The following NTM variants were observed in gnomAD, a reference collection of about 807,000 sequenced individuals.
The protein encoded by NTM is IgLON family member 2.
Under a neutral mutation model 42.1 loss-of-function variants are expected in NTM, and 13 were observed. The ratio of observed to expected loss-of-function variants is 0.31; its 90% CI spans 0.20 to 0.49. The LOEUF is 0.49. Among genes scored for constraint, NTM ranks in the 20% least tolerant of loss-of-function variants. The pLI is 0.99. For synonymous variants in NTM, 187 were observed against 179.2 expected, an observed-to-expected ratio of 1.04 and a Z score of -0.35; for missense variants, 373 against 452.8, an observed-to-expected ratio of 0.82 and a Z score of 1.60.
At position 132,336,634 on chromosome 11, in the gene NTM, G is replaced by A. The variant is rs2095874304; in HGVS notation, c.*1488G>A. ...TTTTATTTCCCACCTTTGTGTGAGT[G>A]TGTATGAAAGAGAAGAAAATGCAAT... On this transcript the variant is annotated 3_prime_UTR_variant, in exon 9 of 9. Transcript: ENST00000683400. 6.6e-6 allele frequency: 1 copy of A among 152,264 alleles called. No homozygotes were observed. Among genetic ancestry groups the A allele is most frequent in the African/African-American group, 2.4e-5 (1 of 41,312 alleles). 9.4% of individuals were successfully genotyped at this position (152,264 alleles called of 1,614,324 possible).
At chr11:132,310,085 C>A in intron 5 of NTM, 27 bp from the exon 6 acceptor site, 3 of 1,527,628 alleles carry the variant, frequency 2.0e-6, no homozygotes, top group Non-Finnish European at 2.6e-6. Context: ...GGTGGGGGGG[C>A]GGCTATGAGA....
At chr11:132,291,299 G>C (rs1372523684) in intron 4 of NTM, among the ~76,000 whole-genome samples, 1 of 152,128 alleles carries the variant, frequency 6.6e-6, no homozygotes, top group Non-Finnish European at 1.5e-5. Context: ...TGATGGATTT[G>C]ATATTGGATT....
intron 2 of NTM, among the ~76,000 whole-genome samples, chr11:132,097,260 C>A (rs2061119511): frequency 6.6e-6 from 1 of 152,178 alleles, no homozygotes; most frequent in African/African-American, 2.4e-5. Context: ...TGCTAATGGT[C>A]CTTCCTAAAG....
chr11:131,487,137 A>G lies in NTM; in HGVS notation c.82+116249A>G, dbSNP rs112217944. On this transcript the variant is annotated intron_variant, in intron 1 of 8. Transcript: ENST00000683400. ...TGTCAGACATCCTCTTCTGATGCCT[A>G]TGCTGCCATCCCTGGGCCCCTGGAA... 6.5e-3 allele frequency among the ~76,000 whole-genome samples: 990 copies of G among 152,174 alleles called. 8 individuals carry two copies. The highest frequency in any genetic ancestry group is 9.9e-3 in the Non-Finnish European group (672 of 67,988).
chr11:131,815,689 T>C (rs1223637409), intron 1 of NTM, among the ~76,000 whole-genome samples: 2 of 151,988 alleles, frequency 1.3e-5, no homozygotes, highest in Non-Finnish European at 2.9e-5. Flanking sequence ...AGCCTCTCCC[T>C]TCTCTCAACT....
At chr11:132,199,149 A>T (rs2080771992) in intron 3 of NTM, among the ~76,000 whole-genome samples, 1 of 152,220 alleles carries the variant, frequency 6.6e-6, no homozygotes, top group African/African-American at 2.4e-5. Flanking sequence ...AAATCATGTT[A>T]TGTGGACAGC....
At chr11:131,552,930 TTAGTACATTCAAAC>T (rs2054905245) in intron 1 of NTM, among the ~76,000 whole-genome samples, 1 of 151,882 alleles carries the variant, frequency 6.6e-6, no homozygotes, top group Admixed American at 6.6e-5. Context: ...GCATTGAAAA[TTAGTACATTCAAAC>T]TACGTATCAC....
chr11:131,663,373 T>G (rs2068438665), intron 1 of NTM: 1 of 152,240 alleles, frequency 6.6e-6, no homozygotes, highest in Non-Finnish European at 1.5e-5. Context: ...AATCCATCGA[T>G]CTGACCATCT....
rs549480555 is a variant in NTM, at chr11:131,635,829, C to T, written c.82+264941C>T. Among the ~76,000 whole-genome samples, 18 of 152,248 alleles carry T rather than the reference C, an allele frequency of 1.2e-4. No homozygotes were observed. The South Asian group carries it at 3.7e-3, about 32-fold the overall frequency. ...GCAAACTCCATTCATAGTAAGTGCCCTATACAGGGGCACTAGTTTTTCTTT... is the reference window on the plus strand; with the variant it reads ...GCAAACTCCATTCATAGTAAGTGCCTTATACAGGGGCACTAGTTTTTCTTT... On this transcript the variant is annotated intron_variant, in intron 1 of 8. Coordinates refer to ENST00000683400, the MANE Select transcript of NTM (RefSeq NM_001352005.2).
intron 1 of NTM, among the ~76,000 whole-genome samples, chr11:131,822,907 G>A (rs1448604221): frequency 3.9e-5 from 6 of 152,152 alleles, no homozygotes; most frequent in African/African-American, 1.4e-4. Context: ...CTCAAAGGTA[G>A]CATTGATCTG....
At chr11:131,731,596 T>A (rs1479542893) in intron 1 of NTM, among the ~76,000 whole-genome samples, 1 of 152,160 alleles carries the variant, frequency 6.6e-6, no homozygotes. Context: ...ACCTTTCCAG[T>A]CCTCCACGTG....
rs115003082 is a variant in NTM, at chr11:131,998,458, G to A, written c.167+86810G>A. Reference sequence around the variant, plus strand: ...GCTCTGCTTGGGGCCACCCTGGCCAGCCCTCCACCATTTCCTGAAGCCATT... The same window carrying A: ...GCTCTGCTTGGGGCCACCCTGGCCAACCCTCCACCATTTCCTGAAGCCATT... On this transcript the variant is annotated intron_variant, in intron 2 of 8. Transcript: ENST00000683400. Among the ~76,000 whole-genome samples the A allele has an allele frequency of 8.4e-3, 1,279 of 152,302 alleles. 24 individuals carry two copies. The highest frequency in any genetic ancestry group is 0.03 in the African/African-American group (1,230 of 41,574).
At chr11:131,584,145 T>G (rs1048715219) in intron 1 of NTM, among the ~76,000 whole-genome samples, 1 of 152,218 alleles carries the variant, frequency 6.6e-6, no homozygotes, top group Non-Finnish European at 1.5e-5. Flanking sequence ...CAACCCTCTT[T>G]GCTGACACCA....
chr11:131,904,600 T>G (rs551965283), intron 1 of NTM, among the ~76,000 whole-genome samples: 1 of 152,298 alleles, frequency 6.6e-6, no homozygotes, highest in Non-Finnish European at 1.5e-5. Context: ...TCGAAGAAGC[T>G]TTGGATTCAG....
intron 1 of NTM, among the ~76,000 whole-genome samples, chr11:131,746,627 A>G (rs2081865410): frequency 6.6e-6 from 1 of 152,182 alleles, no homozygotes; most frequent in Admixed American, 6.5e-5. Context: ...GCTCAGATTG[A>G]TAGAACTGTG....
intron 2 of NTM, among the ~76,000 whole-genome samples, chr11:132,135,704 T>C (rs1346214967): frequency 6.6e-6 from 1 of 152,214 alleles, no homozygotes; most frequent in Non-Finnish European, 1.5e-5. Context: ...CAGGCTGGGC[T>C]GTCAGAAGCA....
At chr11:131,744,216 T>C (rs980906246) in intron 1 of NTM, among the ~76,000 whole-genome samples, 1 of 152,232 alleles carries the variant, frequency 6.6e-6, no homozygotes, top group African/African-American at 2.4e-5. Flanking sequence ...GTAAAGTACT[T>C]TAGATATGTA....
At chr11:131,602,337 G>A (rs1168409386) in intron 1 of NTM, among the ~76,000 whole-genome samples, 3 of 152,114 alleles carry the variant, frequency 2.0e-5, no homozygotes, top group African/African-American at 7.2e-5. Flanking sequence ...GCCATGCAGT[G>A]CGGTGTTCAG....
intron 2 of NTM, among the ~76,000 whole-genome samples, chr11:131,918,514 A>C (rs1323640984): frequency 1.3e-5 from 2 of 152,198 alleles, no homozygotes; most frequent in African/African-American, 2.4e-5. Context: ...TTTACAGAGC[A>C]GGAAACCAAA....
Sources: gnomAD v4.1 joint callset for allele counts (sites outside exome capture counted in the v4.1 genomes callset) on GRCh38, gnomAD v4.1.1 for gene constraint, MANE v1.5 for transcripts, NCBI Gene and HGNC (gene_info 2026-07-23, HGNC 2026-07-21) for gene names.